Variants in NSMCE2 observed in about 807,000 individuals in gnomAD.
The protein encoded by NSMCE2 is E3 SUMO-protein ligase NSE2.
NSMCE2 carries 24 observed loss-of-function variants against 23.8 expected under a neutral mutation model. The observed-to-expected ratio is 1.01, with a 90% CI of 0.73 to 1.42. The LOEUF is 1.42. Ranked by LOEUF, NSMCE2 falls within the 40% of genes most tolerant of loss-of-function variation. The pLI, the probability that NSMCE2 is intolerant of heterozygous loss-of-function variation, is 0.00. For missense variants in NSMCE2, 284 were observed against 296.5 expected, an observed-to-expected ratio of 0.96 and a Z score of 0.31; for synonymous variants, 92 against 94.1, an observed-to-expected ratio of 0.98 and a Z score of 0.13.
intron 5 of NSMCE2, among the ~76,000 whole-genome samples, chr8:125,332,667 G>C (rs1181569027): frequency 2.6e-5 from 4 of 152,204 alleles, no homozygotes; most frequent in Non-Finnish European, 5.9e-5. Context: ...CTTTTAAACA[G>C]AATGCTTTGT....
chr8:125,093,123 A>G (rs186746159), intron 1 of NSMCE2, among the ~76,000 whole-genome samples: 14 of 152,354 alleles, frequency 9.2e-5, no homozygotes, highest in African/African-American at 3.4e-4. Context: ...TAGCTTATGA[A>G]CAACAGAAAT....
chr8:125,318,606 C>T (rs550210553), intron 5 of NSMCE2, among the ~76,000 whole-genome samples: 8 of 152,048 alleles, frequency 5.3e-5, no homozygotes, highest in Middle Eastern at 3.2e-3. Context: ...TAGAAGCAAA[C>T]CTTAAGCTTC....
intron 5 of NSMCE2, among the ~76,000 whole-genome samples, chr8:125,285,605 G>T (rs925936262): frequency 5.3e-5 from 8 of 152,082 alleles, no homozygotes; most frequent in Admixed American, 2.0e-4. Context: ...TACCTATAAA[G>T]CTCTTAGTGT....
intron 5 of NSMCE2, among the ~76,000 whole-genome samples, chr8:125,248,319 G>A (rs1040722132): frequency 1.3e-5 from 2 of 152,158 alleles, no homozygotes; most frequent in Non-Finnish European, 2.9e-5. Flanking sequence ...CTTCAAACTT[G>A]CAAGCATTCA....
intron 5 of NSMCE2, among the ~76,000 whole-genome samples, chr8:125,246,136 T>C (rs1005684191): frequency 9.2e-5 from 14 of 152,194 alleles, no homozygotes; most frequent in Non-Finnish European, 1.6e-4. Flanking sequence ...AATTCAGTTT[T>C]AACTCTGTGA....
chr8:125,332,460 G>A (rs143860301), intron 5 of NSMCE2, among the ~76,000 whole-genome samples: 16 of 152,254 alleles, frequency 1.1e-4, no homozygotes, highest in African/African-American at 3.4e-4. Flanking sequence ...TATAGTACTC[G>A]CATCAGAGTT....
At chr8:125,150,419 T>A (rs1820932364) in intron 3 of NSMCE2, among the ~76,000 whole-genome samples, 1 of 141,782 alleles carries the variant, frequency 7.1e-6, no homozygotes, top group Non-Finnish European at 1.5e-5. Context: ...TTTTCTTTTC[T>A]TTCTTTCTTT....
At chr8:125,303,296 A>G (rs997244196) in intron 5 of NSMCE2, among the ~76,000 whole-genome samples, 1 of 152,158 alleles carries the variant, frequency 6.6e-6, no homozygotes, top group Non-Finnish European at 1.5e-5. Flanking sequence ...CCCTAAGTCA[A>G]GTTGTGTATT....
At chr8:125,172,538 G>T (rs897170702) in intron 4 of NSMCE2, among the ~76,000 whole-genome samples, 3 of 152,190 alleles carry the variant, frequency 2.0e-5, no homozygotes, top group Non-Finnish European at 2.9e-5. Flanking sequence ...CCAAAAGGGG[G>T]AATGATACAT....
chr8:125,222,851 T>A (rs191668836), intron 5 of NSMCE2, among the ~76,000 whole-genome samples: 691 of 151,728 alleles, frequency 4.6e-3, no homozygotes, highest in Non-Finnish European at 7.3e-3. Context: ...TTGCTTGAGC[T>A]CCGGAGTTCA....
At chr8:125,138,439 T>A (rs1304152419) in intron 3 of NSMCE2, among the ~76,000 whole-genome samples, 1 of 151,970 alleles carries the variant, frequency 6.6e-6, no homozygotes, top group Non-Finnish European at 1.5e-5. Context: ...TTGCCCAGGC[T>A]GGTCTCGAAC....
chr8:125,299,703 A>G (rs560622802), intron 5 of NSMCE2, among the ~76,000 whole-genome samples: 213 of 151,884 alleles, frequency 1.4e-3, no homozygotes, highest in African/African-American at 5.0e-3. Context: ...GAGGTTGGCA[A>G]TTCATTTCAC....
rs1371854432 is a variant in NSMCE2 at position 125,355,032 on chromosome 8, A to G, written c.419-2187A>G. On this transcript the variant is annotated intron_variant, in intron 5 of 7. Transcript: ENST00000287437. ...TTTATATGAAACATAAATGAAATTC[A>G]TGTTTAGTCTTGGGTCCCATCCCCC... 3.3e-5 allele frequency among the ~76,000 whole-genome samples: 5 copies of G among 152,310 alleles called. No homozygotes were observed. In the East Asian group the frequency reaches 9.6e-4, roughly 29 times the overall value.
intron 5 of NSMCE2, among the ~76,000 whole-genome samples, chr8:125,313,889 A>C (rs1212851813): frequency 2.0e-5 from 3 of 152,220 alleles, no homozygotes; most frequent in African/African-American, 7.2e-5. Context: ...TATTACAACT[A>C]AATAGTGGCA....
At chr8:125,264,277 T>G (rs1826822667) in intron 5 of NSMCE2, among the ~76,000 whole-genome samples, 1 of 152,254 alleles carries the variant, frequency 6.6e-6, no homozygotes, top group African/African-American at 2.4e-5. Context: ...TGTACTTCAT[T>G]CATATTCCTT....
chr8:125,148,778 T>G (rs1820821150), intron 3 of NSMCE2, among the ~76,000 whole-genome samples: 1 of 152,196 alleles, frequency 6.6e-6, no homozygotes. Context: ...GTGAAACCAA[T>G]AGTCTATTTT....
At chr8:125,331,683 C>T (rs1829883609) in intron 5 of NSMCE2, among the ~76,000 whole-genome samples, 1 of 152,056 alleles carries the variant, frequency 6.6e-6, no homozygotes, top group Non-Finnish European at 1.5e-5. Flanking sequence ...CAAAATCAGA[C>T]CACATTGTTA....
chr8:125,350,328 A>G (rs1812980238), intron 5 of NSMCE2, among the ~76,000 whole-genome samples: 1 of 152,190 alleles, frequency 6.6e-6, no homozygotes, highest in Non-Finnish European at 1.5e-5. Flanking sequence ...TAAAATGACA[A>G]GAAGGAGTAG....
At chr8:125,267,288 T>G (rs1452065206) in intron 5 of NSMCE2, among the ~76,000 whole-genome samples, 3 of 152,202 alleles carry the variant, frequency 2.0e-5, no homozygotes, top group Non-Finnish European at 4.4e-5. Context: ...ATTACAGGCC[T>G]GAGCCACCGC....
Sources: allele counts gnomAD v4.1 joint callset (sites outside exome capture counted in the v4.1 genomes callset), GRCh38; gene constraint gnomAD v4.1.1; transcripts MANE v1.5; gene names NCBI Gene and HGNC (gene_info 2026-07-23, HGNC 2026-07-21).